The following PPP2R2B variants were observed in gnomAD, a reference collection of about 807,000 sequenced individuals.
The protein encoded by PPP2R2B is protein phosphatase 2 regulatory subunit Bbeta.
PPP2R2B carries 5 observed loss-of-function variants against 46.0 expected under a neutral mutation model. That is an observed-to-expected ratio of 0.11 (90% CI 0.06 to 0.23). The LOEUF (loss-of-function observed/expected upper bound fraction) is 0.23. PPP2R2B is among the 10% of genes least tolerant of loss of function. The pLI, the probability that PPP2R2B is intolerant of heterozygous loss-of-function variation, is 1.00. For synonymous variants in PPP2R2B, 215 were observed against 206.7 expected (o/e 1.04, Z -0.34); for missense variants, 367 against 575.0 (o/e 0.64, Z 3.70).
At position 146,761,554 on chromosome 5, in the gene PPP2R2B, A is replaced by G. The variant is rs190978132; in HGVS notation, c.71-60412T>C. On this transcript the variant is annotated intron_variant, in intron 2 of 9. Coordinates refer to ENST00000394411, the MANE Select transcript of PPP2R2B (RefSeq NM_181675.4). ...GGGGGGTGCAGCACACCAACATGGC[A>G]CATGTATACATATGTAACAAACCTG... 4.1e-3 allele frequency among the ~76,000 whole-genome samples: 621 copies of G among 152,308 alleles called. 5 individuals are homozygous for G. Among genetic ancestry groups the G allele is most frequent in the African/African-American group, 0.014 (590 of 41,556 alleles).
chr5:146,841,147 G>T (rs920007308), intron 2 of PPP2R2B, among the ~76,000 whole-genome samples: 22 of 152,060 alleles, frequency 1.4e-4, no homozygotes, highest in Admixed American at 4.6e-4. Context: ...TTATTCCTGT[G>T]CATAAAGATC....
chr5:146,851,321 C>T (rs1760337630), intron 2 of PPP2R2B, among the ~76,000 whole-genome samples: 1 of 152,148 alleles, frequency 6.6e-6, no homozygotes. Flanking sequence ...ATTCCAGGCA[C>T]TGTGTTAGAG....
chr5:146,672,718 A>G (rs1226699828), intron 5 of PPP2R2B, among the ~76,000 whole-genome samples: 1 of 152,164 alleles, frequency 6.6e-6, no homozygotes, highest in African/African-American at 2.4e-5. Flanking sequence ...TATAAGTAGT[A>G]TATGCAGCTG....
intron 1 of PPP2R2B, among the ~76,000 whole-genome samples, chr5:146,949,836 GA>G (rs1209817243): frequency 6.6e-6 from 1 of 151,902 alleles, no homozygotes; most frequent in Admixed American, 6.6e-5. Flanking sequence ...CCATAAAAAA[GA>G]ATGAAATTCT....
chr5:146,680,110 G>A lies in PPP2R2B; in HGVS notation c.447+11018C>T, dbSNP rs1778046128. Among the ~76,000 whole-genome samples the A allele has an allele frequency of 2.0e-5, 3 of 151,638 alleles. No homozygotes were observed. The South Asian group carries it at 6.3e-4, about 32-fold the overall frequency. ...CACATGCACACTTATGTTTATTGTG[G>A]CATTATTCACGATAGCAAAGACTTG... On this transcript the variant is annotated intron_variant, in intron 5 of 9. Coordinates refer to ENST00000394411, the MANE Select transcript of PPP2R2B (RefSeq NM_181675.4).
chr5:146,911,894 C>T (rs1314352406), intron 1 of PPP2R2B, among the ~76,000 whole-genome samples: 13 of 152,258 alleles, frequency 8.5e-5, no homozygotes, highest in Admixed American at 6.5e-4. Context: ...CAGTGGAGGA[C>T]GAATCACATG....
At chr5:146,686,278 G>A (rs1366349395) in intron 5 of PPP2R2B, among the ~76,000 whole-genome samples, 2 of 152,174 alleles carry the variant, frequency 1.3e-5, no homozygotes, top group Non-Finnish European at 2.9e-5. Flanking sequence ...GGGGTGAAGA[G>A]GAGGCAGACA....
At chr5:146,965,779 A>G (rs1752373396) in intron 1 of PPP2R2B, among the ~76,000 whole-genome samples, 1 of 152,208 alleles carries the variant, frequency 6.6e-6, no homozygotes, top group African/African-American at 2.4e-5. Context: ...TTCTTCTTAA[A>G]ATCCATAGCA....
At position 146,584,180 on chromosome 5, in the gene PPP2R2B, T is replaced by C. The variant is rs1338447825; in HGVS notation, c.*5767A>G. 3 of 152,382 alleles carry C rather than the reference T, an allele frequency of 2.0e-5. No individual in the cohort carries two copies. Among genetic ancestry groups the C allele is most frequent in the South Asian group, 2.1e-4 (1 of 4,828 alleles). 9.4% of individuals were successfully genotyped at this position (152,382 alleles called of 1,614,324 possible). A position where few individuals can be genotyped will look rare whatever the true frequency, so the allele number is the denominator to read the frequency against. On this transcript the variant is annotated 3_prime_UTR_variant, in exon 10 of 10. Coordinates refer to ENST00000394411, the MANE Select transcript of PPP2R2B (RefSeq NM_181675.4). ...GCCCCTTCTTCTGGCCTGACAGTGA[T>C]CATTGCTTTGATTGCAGCTGAGGCA...
At position 146,734,621 on chromosome 5, in the gene PPP2R2B, C is replaced by A. The variant is rs532864713; in HGVS notation, c.71-33479G>T. 1.5e-4 allele frequency among the ~76,000 whole-genome samples: 23 copies of A among 152,152 alleles called. No individual in the cohort carries two copies. The South Asian group carries it at 4.4e-3, about 29-fold the overall frequency. On this transcript the variant is annotated intron_variant, in intron 2 of 9. Transcript: ENST00000394411. ...CTCATCCTGGCCATATTCCAGACACCCCACCCCCTGGCCATGCTTCTCTCT... is the reference window on the plus strand; with the variant it reads ...CTCATCCTGGCCATATTCCAGACACACCACCCCCTGGCCATGCTTCTCTCT...
intron 2 of PPP2R2B, among the ~76,000 whole-genome samples, chr5:146,701,997 T>TC (rs1224835268): frequency 6.7e-6 from 1 of 148,380 alleles, no homozygotes; most frequent in Admixed American, 6.8e-5. Context: ...AGAGGTTAAT[T>TC]CCCCCACAAT....
At chr5:146,784,675 A>G (rs996173992) in intron 2 of PPP2R2B, among the ~76,000 whole-genome samples, 1 of 152,204 alleles carries the variant, frequency 6.6e-6, no homozygotes, top group Non-Finnish European at 1.5e-5. Context: ...AAACATATCA[A>G]TACAATTTCT....
chr5:146,895,930 T>C (rs1394122582), intron 1 of PPP2R2B, among the ~76,000 whole-genome samples: 6 of 152,112 alleles, frequency 3.9e-5, no homozygotes, highest in Non-Finnish European at 8.8e-5. Context: ...GACCAGTCCG[T>C]GATTCTTCAA....
Position 146,829,925 on chromosome 5 carries a change from G to A in PPP2R2B, c.70+48077C>T, listed in dbSNP as rs1183557876. 4.6e-5 allele frequency among the ~76,000 whole-genome samples: 7 copies of A among 152,106 alleles called. No homozygotes were observed. In the South Asian group the frequency reaches 1.0e-3, roughly 23 times the overall value. On this transcript the variant is annotated intron_variant, in intron 2 of 9. Transcript: ENST00000394411. ...TTCATGTTTGCCTCTTACTAGTTGT[G>A]TAAACCTGGGCAAGCTTTTGAAGTT...
intron 2 of PPP2R2B, among the ~76,000 whole-genome samples, chr5:146,745,937 G>A (rs1170151734): frequency 2.0e-5 from 3 of 149,118 alleles, no homozygotes; most frequent in Admixed American, 6.8e-5. Flanking sequence ...CAGCCTGGGC[G>A]ACAGAGAGAG....
At chr5:146,993,873 A>G (rs774278639) in intron 1 of PPP2R2B, among the ~76,000 whole-genome samples, 39 of 152,250 alleles carry the variant, frequency 2.6e-4, no homozygotes, top group Middle Eastern at 3.4e-3. Flanking sequence ...TTAGGATACT[A>G]TAATAGTTAG....
At position 146,734,056 on chromosome 5, in the gene PPP2R2B, GT is replaced by G. The variant is rs201448902; in HGVS notation, c.71-32915del. On this transcript the variant is annotated intron_variant, in intron 2 of 9. Transcript: ENST00000394411. ...TTGTTGTGAAGATAAAATGAGTTAGGTTTTTTTTTTTTTTTTGAGACAGGGT... is the reference window on the plus strand; with the variant it reads ...TTGTTGTGAAGATAAAATGAGTTAGGTTTTTTTTTTTTTTTGAGACAGGGT... Among the ~76,000 whole-genome samples the G allele has an allele frequency of 9.2e-3, 1,307 of 142,510 alleles. 9 individuals are homozygous for G. Among genetic ancestry groups the G allele is most frequent in the African/African-American group, 0.025 (969 of 39,368 alleles). 93.5% of individuals were successfully genotyped at this position (142,510 alleles called of 152,430 possible).
intron 2 of PPP2R2B, among the ~76,000 whole-genome samples, chr5:146,792,276 C>T (rs10052810): frequency 0.01 from 1,598 of 152,284 alleles, 20 homozygotes; most frequent in African/African-American, 0.036. Flanking sequence ...CAAAAAATTA[C>T]TGGCCAATAC....
intron 1 of PPP2R2B, among the ~76,000 whole-genome samples, chr5:147,055,022 C>A (rs1325589675): frequency 6.6e-6 from 1 of 152,142 alleles, no homozygotes; most frequent in Non-Finnish European, 1.5e-5. Flanking sequence ...TAGAAGGCAG[C>A]AGAGAAGGTC....
Sources: allele counts gnomAD v4.1 joint callset (sites outside exome capture counted in the v4.1 genomes callset), GRCh38; gene constraint gnomAD v4.1.1; transcripts MANE v1.5; gene names NCBI Gene and HGNC (gene_info 2026-07-23, HGNC 2026-07-21).